Variants in TANC2 observed in about 807,000 individuals in gnomAD.
TANC2 encodes the protein protein TANC2.
In TANC2, 26 loss-of-function variants were observed where a neutral mutation model predicts 210.5. The observed-to-expected ratio is 0.12, with a 90% CI of 0.09 to 0.17. The LOEUF (loss-of-function observed/expected upper bound fraction) is 0.17, where lower values mean the gene tolerates loss of function less well. Ranked by LOEUF, TANC2 falls within the 10% of genes least tolerant of loss-of-function variation. The probability of loss-of-function intolerance (pLI) is 1.00; values close to 1 mark genes in which losing one functional copy is unlikely to be tolerated. For synonymous variants in TANC2, 931 were observed against 967.1 expected, an observed-to-expected ratio of 0.96 and a Z score of 0.69; for missense variants, 2,129 against 2,608.9, an observed-to-expected ratio of 0.82 and a Z score of 4.01.
At chr17:63,141,989 T>C (rs868277897) in intron 4 of TANC2, among the ~76,000 whole-genome samples, 40 of 152,234 alleles carry the variant, frequency 2.6e-4, no homozygotes, top group African/African-American at 7.5e-4. Context: ...TGTGATGATA[T>C]TTATTTTAAT....
intron 2 of TANC2, among the ~76,000 whole-genome samples, chr17:63,059,151 G>A (rs930397672): frequency 6.6e-6 from 1 of 151,878 alleles, no homozygotes; most frequent in African/African-American, 2.4e-5. Flanking sequence ...TTTAAAATCT[G>A]TTAAGAGATC....
intron 16 of TANC2, 58 bp from the exon 17 acceptor site, chr17:63,389,250 G>A: frequency 7.6e-7 from 1 of 1,320,496 alleles, no homozygotes; most frequent in Non-Finnish European, 1.1e-6. Flanking sequence ...AATAAAAGAT[G>A]ACTAAAAGGA....
chr17:63,006,507 A>G (rs2033631014), intron 1 of TANC2, among the ~76,000 whole-genome samples: 1 of 152,096 alleles, frequency 6.6e-6, no homozygotes, highest in Non-Finnish European at 1.5e-5. Flanking sequence ...TGATTTATTT[A>G]CTTTGTTCAA....
At chr17:63,006,521 A>G (rs1047115374) in intron 1 of TANC2, among the ~76,000 whole-genome samples, 3 of 152,140 alleles carry the variant, frequency 2.0e-5, no homozygotes, top group African/African-American at 7.2e-5. Flanking sequence ...TGTTCAACTT[A>G]TGGGTATTTA....
intron 2 of TANC2, among the ~76,000 whole-genome samples, chr17:63,023,333 T>C (rs922941103): frequency 6.6e-6 from 1 of 152,188 alleles, no homozygotes; most frequent in Non-Finnish European, 1.5e-5. Flanking sequence ...TGATGGCACA[T>C]AGAGCGAAAG....
In TANC2 at chr17:63,420,745, C is replaced by T. The variant is rs1003264700; in HGVS notation, c.5015C>T (p.Pro1672Leu). Residue 1672 changes from proline (P) to leucine (L), a missense_variant, in exon 28 of 28, where the codon CCC becomes CTC. Pro to Leu is a moderately conservative substitution (Grantham distance 98). Around this residue, in one of 5 missense-constraint regions of TANC2, gnomAD observed 584 missense variants for 627.3 expected, o/e 0.93. Transcript: ENST00000689528. This position sits in a 1 kb window ranked among gnomAD's most constrained non-coding sequence, Gnocchi z 4.2. ...CCATTATCCAAAATGGCCCAGCGGC[C>T]CTACCAGATGCCTCAGCTCCCTGTG... 2 of 1,614,022 alleles carry T rather than the reference C, an allele frequency of 1.2e-6. No individual in the cohort carries two copies. The highest frequency in any genetic ancestry group is 1.3e-5 in the African/African-American group (1 of 75,052).
At chr17:63,130,207 G>A (rs1234454632) in intron 4 of TANC2, among the ~76,000 whole-genome samples, 1 of 151,968 alleles carries the variant, frequency 6.6e-6, no homozygotes, top group Non-Finnish European at 1.5e-5. Flanking sequence ...TATTTAGGTA[G>A]CACAATAAAA....
intron 5 of TANC2, chr17:63,152,833 T>C (rs1436127935): frequency 6.6e-6 from 1 of 152,174 alleles, no homozygotes; most frequent in Admixed American, 6.5e-5. Flanking sequence ...ATTGCCCATC[T>C]GACATCTTTA....
At chr17:63,163,445 GA>G (rs2040097237) in intron 5 of TANC2, among the ~76,000 whole-genome samples, 1 of 152,130 alleles carries the variant, frequency 6.6e-6, no homozygotes, top group Admixed American at 6.5e-5. Context: ...AATCTTCAAA[GA>G]ATGAGTGGTC....
chr17:63,129,938 A>G (rs1258757632), intron 4 of TANC2, among the ~76,000 whole-genome samples: 1 of 152,066 alleles, frequency 6.6e-6, no homozygotes, highest in Non-Finnish European at 1.5e-5. Flanking sequence ...TAGATTTACT[A>G]AAGTACACTT....
intron 8 of TANC2, among the ~76,000 whole-genome samples, chr17:63,250,988 G>A (rs76534344): frequency 0.024 from 3,637 of 152,214 alleles, 59 homozygotes; most frequent in Non-Finnish European, 0.038. Context: ...GTGAGGAGGA[G>A]GAGGATCGTG....
At chr17:63,374,040 T>TG (rs2047352149) in intron 14 of TANC2, among the ~76,000 whole-genome samples, 1 of 144,300 alleles carries the variant, frequency 6.9e-6, no homozygotes, top group South Asian at 2.3e-4. Flanking sequence ...TGGTTTTTTT[T>TG]TTTTTTTTTT....
chr17:63,203,537 A>G (rs1189522985), intron 7 of TANC2, among the ~76,000 whole-genome samples: 1 of 152,176 alleles, frequency 6.6e-6, no homozygotes, highest in East Asian at 1.9e-4. Flanking sequence ...AGTAAATCTG[A>G]TGGTTATAAA....
At chr17:63,003,290 A>G (rs2033469750) in intron 1 of TANC2, among the ~76,000 whole-genome samples, 1 of 152,162 alleles carries the variant, frequency 6.6e-6, no homozygotes, top group Non-Finnish European at 1.5e-5. Flanking sequence ...TCTTTTACCC[A>G]TTTGAAAATC....
intron 11 of TANC2, among the ~76,000 whole-genome samples, chr17:63,326,889 T>C (rs2045666627): frequency 6.6e-6 from 1 of 152,124 alleles, no homozygotes; most frequent in Non-Finnish European, 1.5e-5. Context: ...GAATGACATG[T>C]AAACTAAAAA....
At position 63,185,521 on chromosome 17, in the gene TANC2, T is replaced by C. The variant is rs181845658; in HGVS notation, c.434-8470T>C. Among the ~76,000 whole-genome samples, 81 of 152,354 alleles carry C rather than the reference T, an allele frequency of 5.3e-4. 1 individual carries two copies. In the East Asian group the frequency reaches 0.013, roughly 25 times the overall value. On this transcript the variant is annotated intron_variant, in intron 5 of 27. Coordinates refer to ENST00000689528, the Ensembl canonical transcript of TANC2. ...CTAGTAGTGGACTTGCTGAGTCATA[T>C]GGTTTCTGTAAAATGGCAAACATTT...
At chr17:63,235,224 G>C (rs190454731) in intron 7 of TANC2, among the ~76,000 whole-genome samples, 160 of 151,918 alleles carry the variant, frequency 1.1e-3, no homozygotes, top group Admixed American at 7.7e-3. Flanking sequence ...TACTATCCTT[G>C]GTTTTTTGTC....
rs555705309 is a variant in TANC2, at chr17:62,983,389, G to T, written c.-24+16640G>T. 9.8e-4 allele frequency among the ~76,000 whole-genome samples: 148 copies of T among 151,574 alleles called. 1 individual carries two copies. The highest frequency in any genetic ancestry group is 3.5e-3 in the African/African-American group (143 of 41,406). On this transcript the variant is annotated intron_variant, in intron 1 of 27. Coordinates refer to ENST00000689528, the Ensembl canonical transcript of TANC2. The stretch of plus-strand genomic sequence containing the variant: ...TTTTATTTTAATTTAAAATTTTTTT[G>T]CATATAAGATCATGTCATCTGCAAA...
intron 3 of TANC2, among the ~76,000 whole-genome samples, chr17:63,077,216 T>G (rs2036601544): frequency 6.6e-6 from 1 of 152,208 alleles, no homozygotes; most frequent in Non-Finnish European, 1.5e-5. Flanking sequence ...AAGCAGCATC[T>G]TCAGTATTCT....
Sources: allele counts gnomAD v4.1 joint callset (sites outside exome capture counted in the v4.1 genomes callset), GRCh38; gene constraint gnomAD v4.1.1; regional missense constraint gnomAD v4.1.1; non-coding constraint Gnocchi (gnomAD v3.1); transcripts MANE v1.5; gene names NCBI Gene and HGNC (gene_info 2026-07-23, HGNC 2026-07-21).